The following NKD1 variants were observed in gnomAD, a reference collection of about 807,000 sequenced individuals.
NKD1 encodes NKD inhibitor of Wnt signaling pathway 1, also known as protein naked cuticle homolog 1.
A neutral mutation model predicts 56.0 loss-of-function variants in NKD1; 21 were observed. The ratio of observed to expected loss-of-function variants is 0.38; its 90% confidence interval spans 0.27 to 0.54. NKD1 has a LOEUF of 0.54. Among genes scored for constraint, NKD1 ranks in the 20% least tolerant of loss-of-function variants. The pLI, the probability that NKD1 is intolerant of heterozygous loss-of-function variation, is 0.82. For synonymous variants in NKD1, 263 were observed against 265.7 expected (o/e 0.99, Z 0.10); for missense variants, 578 against 642.7 (o/e 0.90, Z 1.09).
chr16:50,628,899 C>T (rs978956379), intron 6 of NKD1, among the ~76,000 whole-genome samples: 27 of 151,880 alleles, frequency 1.8e-4, no homozygotes, highest in African/African-American at 4.6e-4. Context: ...GGCTTGCAGA[C>T]GGCCACCTTC....
chr16:50,590,687 T>C (rs1379113298), intron 3 of NKD1, among the ~76,000 whole-genome samples: 2 of 152,206 alleles, frequency 1.3e-5, no homozygotes, highest in African/African-American at 4.8e-5. Flanking sequence ...TCACACAACC[T>C]GTAGGTGACA....
chr16:50,601,052 G>T (rs1192552602), intron 3 of NKD1, among the ~76,000 whole-genome samples: 1 of 152,250 alleles, frequency 6.6e-6, no homozygotes, highest in Non-Finnish European at 1.5e-5. Flanking sequence ...CGTCTTGAAG[G>T]CCTGGTCCTT....
At chr16:50,560,629 G>A (rs531285143) in intron 3 of NKD1, among the ~76,000 whole-genome samples, 218 of 137,716 alleles carry the variant, frequency 1.6e-3, no homozygotes, top group Non-Finnish European at 1.8e-3. Flanking sequence ...GTTTAGGCGA[G>A]TTTTTTTTTT....
At chr16:50,595,924 G>A (rs1401202205) in intron 3 of NKD1, among the ~76,000 whole-genome samples, 1 of 152,200 alleles carries the variant, frequency 6.6e-6, no homozygotes, top group East Asian at 1.9e-4. Context: ...GAGATCTTTG[G>A]TTGCCTGAGA....
chr16:50,576,416 A>G lies in NKD1; in HGVS notation c.192+26861A>G, dbSNP rs539769576. ...TTTAAATATTGATAATGAATGACTC[A>G]TAAGATTATCCATCCATAGCCAGAT... On this transcript the variant is annotated intron_variant, in intron 3 of 9. Transcript: ENST00000268459. 4.6e-5 allele frequency among the ~76,000 whole-genome samples: 7 copies of G among 152,342 alleles called. No homozygotes were observed. In the South Asian group the frequency reaches 1.0e-3, roughly 23 times the overall value.
chr16:50,610,493 C>T (rs948944344), intron 4 of NKD1, among the ~76,000 whole-genome samples: 1 of 152,208 alleles, frequency 6.6e-6, no homozygotes, highest in African/African-American at 2.4e-5. Flanking sequence ...GCAGGTGCTA[C>T]TGAGTTCTGG....
intron 3 of NKD1, chr16:50,571,347 G>A (rs907384085): frequency 1.4e-5 from 4 of 279,358 alleles, no homozygotes; most frequent in Non-Finnish European, 2.2e-5. Context: ...GGATGAGGAC[G>A]AGCAGCTGGC....
chr16:50,548,562 A>G lies in NKD1; in HGVS notation c.9A>G (p.Lys3=). 6.8e-7 allele frequency: 1 copy of G among 1,467,902 alleles called. No homozygotes were observed. Among genetic ancestry groups the G allele is most frequent in the Non-Finnish European group, 9.0e-7 (1 of 1,115,582 alleles). The allele number at this position is 1,467,902 out of a possible 1,614,324, so 90.9% of individuals were successfully genotyped here. A position where few individuals can be genotyped will look rare whatever the true frequency, so the allele number is the denominator to read the frequency against. The change falls in exon 1 of 10, where the codon AAA becomes AAG. Residue 3 remains lysine, a synonymous_variant. Coordinates refer to ENST00000268459, the MANE Select transcript of NKD1 (RefSeq NM_033119.5). Reference sequence around the variant, plus strand: ...GCCGCCGCAGCCCCAGCATGGGGAAACTTCACTCCAAGCCGGGTCAGTGCC... The same window carrying G: ...GCCGCCGCAGCCCCAGCATGGGGAAGCTTCACTCCAAGCCGGGTCAGTGCC... MG[K]LHSKPAAVCK...
chr16:50,590,600 CA>C (rs201139483), intron 3 of NKD1, among the ~76,000 whole-genome samples: 1,798 of 152,338 alleles, frequency 0.012, 42 homozygotes, highest in African/African-American at 0.041. Flanking sequence ...AGCAACTCCA[CA>C]AGGCAGATAT....
intron 7 of NKD1, 119 bp from the exon 8 acceptor site, chr16:50,630,707 C>T (rs568577261): frequency 1.2e-6 from 1 of 819,662 alleles, no homozygotes; most frequent in African/African-American, 1.7e-5. Flanking sequence ...TTATTTAGCC[C>T]CAGCTCAGGG....
chr16:50,599,968 T>A (rs1961558256), intron 3 of NKD1, among the ~76,000 whole-genome samples: 1 of 152,062 alleles, frequency 6.6e-6, no homozygotes, highest in Admixed American at 6.6e-5. Flanking sequence ...AAGCCATGAG[T>A]CTTCAAGGAG....
At chr16:50,618,127 G>A (rs1193627430) in intron 4 of NKD1, among the ~76,000 whole-genome samples, 2 of 152,092 alleles carry the variant, frequency 1.3e-5, no homozygotes, top group Non-Finnish European at 2.9e-5. Context: ...TGCTTCTTAG[G>A]CAAGTGAAAG....
At position 50,632,994 on chromosome 16, in the gene NKD1, A is replaced by G. The variant is rs1402990628; in HGVS notation, c.824-198A>G. ...CGGAGAGTATTTTTGAAGACCTACCAAAGAACCAGTTCTTCCCACTTAGCA... is the reference window on the plus strand; with the variant it reads ...CGGAGAGTATTTTTGAAGACCTACCGAAGAACCAGTTCTTCCCACTTAGCA... On this transcript the variant is annotated intron_variant, in intron 9 of 9. Coordinates refer to ENST00000268459, the MANE Select transcript of NKD1 (RefSeq NM_033119.5). The surrounding 1 kb of genome is among the most constrained non-coding windows in gnomAD (Gnocchi z 4.1). Among the ~76,000 whole-genome samples the G allele has an allele frequency of 5.3e-5, 8 of 152,084 alleles. No homozygotes were observed. Among genetic ancestry groups the G allele is most frequent in the Admixed American group, 3.9e-4 (6 of 15,274 alleles).
At chr16:50,631,505 C>T (rs994677063) in intron 8 of NKD1, among the ~76,000 whole-genome samples, 4 of 152,070 alleles carry the variant, frequency 2.6e-5, no homozygotes, top group Non-Finnish European at 5.9e-5. Flanking sequence ...AGGGAATGAT[C>T]GGAGCTGGAT....
chr16:50,556,017 T>A (rs1390173555), intron 3 of NKD1: 1 of 146,334 alleles, frequency 6.8e-6, no homozygotes, highest in Non-Finnish European at 1.5e-5. Context: ...TATCTGCCAT[T>A]CCATCGGAGG....
At position 50,608,351 on chromosome 16, in the gene NKD1, C is replaced by T. The variant is rs201400910; in HGVS notation, c.250C>T (p.Arg84Trp). The change falls in exon 4 of 10, where the codon CGG (arginine) becomes TGG (tryptophan). Residue 84 changes from arginine (R) to tryptophan (W), a missense_variant. Arg to Trp is a moderately radical substitution (Grantham distance 101, BLOSUM62 -3). Transcript: ENST00000268459. ...TLSEEEEDDFRLEVALPPEKT... is the reference protein window; with the variant it reads ...TLSEEEEDDFWLEVALPPEKT... ...CAGCGAGGAAGAGGAGGACGACTTT[C>T]GGCTGGAAGGTATTCGGAGTCCATT... 1.0e-4 allele frequency: 169 copies of T among 1,611,912 alleles called. No individual in the cohort carries two copies. Among genetic ancestry groups the T allele is most frequent in the Non-Finnish European group, 1.2e-4 (139 of 1,178,564 alleles).
At chr16:50,622,923 G>T (rs372637382) in intron 5 of NKD1, among the ~76,000 whole-genome samples, 1 of 152,102 alleles carries the variant, frequency 6.6e-6, no homozygotes, top group Non-Finnish European at 1.5e-5. Context: ...CGAGGGGTGT[G>T]GGGTAACGGA....
At chr16:50,553,653 G>A (rs1363112404) in intron 3 of NKD1, 1 of 152,242 alleles carries the variant, frequency 6.6e-6, no homozygotes, top group Non-Finnish European at 1.5e-5. Flanking sequence ...AAAGTGTTAG[G>A]CTTCTTTACG....
chr16:50,579,378 C>T (rs1290393679), intron 3 of NKD1, among the ~76,000 whole-genome samples: 7 of 146,588 alleles, frequency 4.8e-5, no homozygotes, highest in Non-Finnish European at 1.0e-4. Flanking sequence ...CCGCTACACA[C>T]GCACTCTAAC....
Sources: gnomAD v4.1 joint callset for allele counts (sites outside exome capture counted in the v4.1 genomes callset) on GRCh38, gnomAD v4.1.1 for gene constraint, Gnocchi (gnomAD v3.1) non-coding constraint, MANE v1.5 for transcripts, NCBI Gene and HGNC (gene_info 2026-07-23, HGNC 2026-07-21) for gene names.